The following RIC3 variants were observed in gnomAD, a reference collection of about 807,000 sequenced individuals.
The protein encoded by RIC3 is protein RIC-3.
A neutral mutation model predicts 27.3 loss-of-function variants in RIC3; 28 were observed. The observed-to-expected ratio is 1.02, with a 90% confidence interval of 0.76 to 1.41. The LOEUF (loss-of-function observed/expected upper bound fraction) is 1.41. Among genes scored for constraint, RIC3 ranks in the 40% most tolerant of loss-of-function variants. The pLI is 0.00. For synonymous variants in RIC3, 184 were observed against 160.4 expected, an observed-to-expected ratio of 1.15 and a Z score of -1.11; for missense variants, 501 against 444.7, an observed-to-expected ratio of 1.13 and a Z score of -1.14.
intron 1 of RIC3, among the ~76,000 whole-genome samples, chr11:8,165,783 TTTTG>T (rs778621908): frequency 2.2e-4 from 23 of 105,366 alleles, no homozygotes; most frequent in African/African-American, 4.4e-4. Context: ...TTTTGTTTTG[TTTTG>T]TTTTTTTTTT....
At chr11:8,128,922 T>C (rs1241912336) in intron 4 of RIC3, among the ~76,000 whole-genome samples, 3 of 151,824 alleles carry the variant, frequency 2.0e-5, no homozygotes, top group Non-Finnish European at 4.4e-5. Flanking sequence ...GCCTGGCTAA[T>C]TTTTTGTATT....
At chr11:8,137,558 A>G in intron 3 of RIC3, 87 bp from the exon 4 acceptor site, 2 of 921,488 alleles carry the variant, frequency 2.2e-6, no homozygotes, top group East Asian at 2.4e-5. Context: ...AAGCTATTGT[A>G]CTGTCTAACT....
At chr11:8,129,612 T>G (rs1034644646) in intron 4 of RIC3, among the ~76,000 whole-genome samples, 2 of 152,150 alleles carry the variant, frequency 1.3e-5, no homozygotes, top group African/African-American at 4.8e-5. Context: ...AAGGTCACAG[T>G]TGGGAAACAC....
At chr11:8,126,625 A>G (rs1461321060) in intron 5 of RIC3, 34 bp downstream of exon 5, 1 of 1,610,530 alleles carries the variant, frequency 6.2e-7, no homozygotes, top group Non-Finnish European at 8.5e-7. Context: ...TTCTGGGCTG[A>G]CAGCTAACAA....
downstream of RIC3, chr11:8,103,121 T>TA (rs2133932568): frequency 6.6e-6 from 1 of 152,372 alleles, no homozygotes; most frequent in South Asian, 2.1e-4. Flanking sequence ...CAGGCCTTAG[T>TA]ACGGCTGCTG....
the RIC3 span, chr11:8,094,152 T>C: frequency 0.32 from 512,402 of 1,613,602 alleles, 84,851 homozygotes; most frequent in East Asian, 0.51. Context: ...GGGGCCAGGG[T>C]GGCGCCGCTA....
chr11:8,140,869 C>A (rs1052299110), intron 1 of RIC3, among the ~76,000 whole-genome samples: 2 of 151,488 alleles, frequency 1.3e-5, no homozygotes, highest in Non-Finnish European at 2.9e-5. Flanking sequence ...AGAGTGGGGG[C>A]CAATATTCAA....
At chr11:8,114,116 C>T (rs1945579517) in intron 5 of RIC3, among the ~76,000 whole-genome samples, 1 of 152,176 alleles carries the variant, frequency 6.6e-6, no homozygotes, top group African/African-American at 2.4e-5. Context: ...AAATGGCCTA[C>T]CCAGAATCTC....
Position 8,107,474 on chromosome 11 carries a change from TAC to T in RIC3, c.*3222_*3223del, listed in dbSNP as rs1944791408. On this transcript the variant is annotated 3_prime_UTR_variant, in exon 6 of 6. Coordinates refer to ENST00000309737, the MANE Select transcript of RIC3 (RefSeq NM_001206671.4). ...AAATGGCTATAGACAGGGGTGACCC[TAC>T]GTCCAGGACAGTCTTAGTTTATGCC... 2.0e-5 allele frequency: 3 copies of T among 152,246 alleles called. No homozygotes were observed. The highest frequency in any genetic ancestry group is 2.9e-5 in the Non-Finnish European group (2 of 68,046). 9.4% of individuals were successfully genotyped at this position (152,246 alleles called of 1,614,324 possible). A position where few individuals can be genotyped will look rare whatever the true frequency, so the allele number is the denominator to read the frequency against.
chr11:8,152,585 A>G (rs776818837), intron 1 of RIC3, among the ~76,000 whole-genome samples: 5 of 152,184 alleles, frequency 3.3e-5, no homozygotes, highest in Non-Finnish European at 7.3e-5. Context: ...AGAGGAAGGA[A>G]AAAGTGACTG....
the RIC3 span, among the ~76,000 whole-genome samples, chr11:8,095,267 C>T: frequency 3.7e-4 from 56 of 152,290 alleles, no homozygotes; most frequent in African/African-American, 1.3e-3. Context: ...GTAAACCAAC[C>T]CTCGGCAATT....
Position 8,109,628 on chromosome 11 carries a change from G to T in RIC3, c.*1070C>A, listed in dbSNP as rs952422543. ...AACTTCCCTCTTGAGTTGGCACTTTGTATACAAGATCAGTCCTCATTTGTT... is the reference window on the plus strand; with the variant it reads ...AACTTCCCTCTTGAGTTGGCACTTTTTATACAAGATCAGTCCTCATTTGTT... On this transcript the variant is annotated 3_prime_UTR_variant, in exon 6 of 6. Transcript: ENST00000309737. 2 of 152,122 alleles carry T rather than the reference G, an allele frequency of 1.3e-5. No homozygotes were observed. The highest frequency in any genetic ancestry group is 2.9e-5 in the Non-Finnish European group (2 of 68,024). 9.4% of individuals were successfully genotyped at this position (152,122 alleles called of 1,614,324 possible).
chr11:8,101,490 C>T (rs759242756), downstream of RIC3: 1 of 1,614,074 alleles, frequency 6.2e-7, no homozygotes, highest in Non-Finnish European at 8.5e-7. Context: ...CCCCAGCGGA[C>T]TACATCGTGA....
intron 1 of RIC3, among the ~76,000 whole-genome samples, chr11:8,155,569 G>A (rs544368055): frequency 4.6e-5 from 7 of 151,590 alleles, no homozygotes; most frequent in South Asian, 4.2e-4. Flanking sequence ...GTGAGACTCC[G>A]TTTCAAAAAA....
the RIC3 span, chr11:8,094,109 C>T: frequency 1.2e-6 from 2 of 1,614,210 alleles, no homozygotes; most frequent in East Asian, 2.2e-5. Context: ...GCACCAGCTT[C>T]AGCCAAGAGA....
the RIC3 span, chr11:8,100,524 A>C: frequency 6.2e-7 from 1 of 1,614,106 alleles, no homozygotes. Context: ...CTTAGGCTTC[A>C]AGGGGCCTCG....
chr11:8,141,315 A>G (rs907627777), intron 1 of RIC3, among the ~76,000 whole-genome samples: 1 of 152,096 alleles, frequency 6.6e-6, no homozygotes, highest in East Asian at 1.9e-4. Context: ...CATAGGCTCA[A>G]AATAAAAGGA....
chr11:8,111,174 G>A (rs760095321), intron 5 of RIC3, 37 bp from the exon 6 acceptor site: 3 of 1,364,486 alleles, frequency 2.2e-6, no homozygotes, highest in Non-Finnish European at 2.0e-6. Context: ...TACAAAGAAT[G>A]TCTCCTCAAA....
chr11:8,116,009 A>G (rs1000166872), intron 5 of RIC3, among the ~76,000 whole-genome samples: 5 of 152,262 alleles, frequency 3.3e-5, no homozygotes, highest in African/African-American at 1.2e-4. Context: ...CTACAAAGCT[A>G]TAGTAATCAA....
Sources: gnomAD v4.1 joint callset for allele counts (sites outside exome capture counted in the v4.1 genomes callset) on GRCh38, gnomAD v4.1.1 for gene constraint, MANE v1.5 for transcripts, NCBI Gene and HGNC (gene_info 2026-07-23, HGNC 2026-07-21) for gene names.